DUOXA1: variants seen among roughly 807,000 people sequenced by gnomAD.
DUOXA1 encodes dual oxidase maturation factor 1, also known as dual oxidase activator 1.
A neutral mutation model predicts 26.6 loss-of-function variants in DUOXA1; 19 were observed. That is an observed-to-expected ratio of 0.71 (90% confidence interval 0.50 to 1.05). The LOEUF (loss-of-function observed/expected upper bound fraction) is 1.05. DUOXA1 is among the 50% of genes least tolerant of loss of function. The probability of loss-of-function intolerance (pLI) is 0.00; values close to 1 mark genes in which losing one functional copy is unlikely to be tolerated. For missense variants in DUOXA1, 403 were observed against 427.5 expected (o/e 0.94, Z 0.51); for synonymous variants, 166 against 177.0 (o/e 0.94, Z 0.49).
At chr15:45,122,762 G>A (rs1017926651) in intron 4 of DUOXA1, 106 bp downstream of exon 4, 42 of 1,380,694 alleles carry the variant, frequency 3.0e-5, no homozygotes, top group African/African-American at 8.8e-5. Flanking sequence ...TCTTTTCTCC[G>A]CACTGGGGTC....
In DUOXA1 at chr15:45,118,033, A is replaced by G; in HGVS notation, c.*1073T>C. On this transcript the variant is annotated 3_prime_UTR_variant, in exon 9 of 9. Transcript: ENST00000560572. ...GAGCGCTGCTGGCGCGAGGCCTCGGACATCCGCAGGCACCAGGGAAAGTCT... is the reference window on the plus strand; with the variant it reads ...GAGCGCTGCTGGCGCGAGGCCTCGGGCATCCGCAGGCACCAGGGAAAGTCT... 3 of 1,597,460 alleles carry G rather than the reference A, an allele frequency of 1.9e-6. No individual in the cohort carries two copies. The highest frequency in any genetic ancestry group is 2.6e-6 in the Non-Finnish European group (3 of 1,168,786).
rs747403022 is a variant in DUOXA1, at chr15:45,117,974, A to C, written c.*1132T>G. ...CGCAGGCCGGGAAGCAGTGCCCGCC[A>C]GGCCTGGGCCAGGAGAGCTCCAGGA... On this transcript the variant is annotated 3_prime_UTR_variant, in exon 9 of 9. Coordinates refer to ENST00000560572, the MANE Select transcript of DUOXA1 (RefSeq NM_001276266.2). The C allele has an allele frequency of 1.1e-5, 18 of 1,612,812 alleles. No individual in the cohort carries two copies. The East Asian group carries it at 4.0e-4, about 36-fold the overall frequency.
Position 45,117,788 on chromosome 15 carries a change from T to C in DUOXA1, c.*1318A>G, listed in dbSNP as rs1202049084. On this transcript the variant is annotated 3_prime_UTR_variant, in exon 9 of 9. Coordinates refer to ENST00000560572, the MANE Select transcript of DUOXA1 (RefSeq NM_001276266.2). ...GTTCGGCCCAGCGCTCTTCGCACCCTTCTGGACCAAAGCGCCAAGGACTGC... is the reference window on the plus strand; with the variant it reads ...GTTCGGCCCAGCGCTCTTCGCACCCCTCTGGACCAAAGCGCCAAGGACTGC... 1 of 1,614,012 alleles carries C rather than the reference T, an allele frequency of 6.2e-7. No individual in the cohort carries two copies. Among genetic ancestry groups the C allele is most frequent in the South Asian group, 1.1e-5 (1 of 91,084 alleles).
chr15:45,125,851 C>T (rs940606830), intron 3 of DUOXA1, among the ~76,000 whole-genome samples: 1 of 152,196 alleles, frequency 6.6e-6, no homozygotes, highest in Non-Finnish European at 1.5e-5. Context: ...CATCCATTCC[C>T]ATGGCTGATG....
rs559554507 is a variant in DUOXA1 at position 45,120,504 on chromosome 15, C to A, written c.554+88G>T. The A allele has an allele frequency of 6.6e-6, 10 of 1,510,696 alleles. No individual in the cohort carries two copies. In the Admixed American group the frequency reaches 8.4e-5, roughly 13 times the overall value. The allele number at this position is 1,510,696 out of a possible 1,614,324, so 93.6% of individuals were successfully genotyped here. ...GTGCCAGGCCACCCCACCTGAGATACCCACATGAGTGGAGGAGAGATGGGT... is the reference window on the plus strand; with the variant it reads ...GTGCCAGGCCACCCCACCTGAGATAACCACATGAGTGGAGGAGAGATGGGT... On this transcript the variant is annotated intron_variant, in intron 7 of 8. Transcript: ENST00000560572.
chr15:45,120,331 A>G lies in DUOXA1; in HGVS notation c.555-11T>C. ...CAGAGGAATGCCACCCTGGAGAGCC[A>G]GGACCCAGTGAGGACTGGCCCAGGT... is the stretch of plus-strand genomic sequence containing the variant. On this transcript the variant is annotated splice_polypyrimidine_tract_variant and intron_variant, in intron 7 of 8. Coordinates refer to ENST00000560572, the MANE Select transcript of DUOXA1 (RefSeq NM_001276266.2). The G allele has an allele frequency of 1.9e-6, 3 of 1,613,904 alleles. No homozygotes were observed. The African/African-American group carries it at 4.0e-5, about 22-fold the overall frequency.
chr15:45,125,509 A>G (rs1187860123), intron 3 of DUOXA1, among the ~76,000 whole-genome samples: 2 of 152,014 alleles, frequency 1.3e-5, no homozygotes, highest in Non-Finnish European at 2.9e-5. Context: ...TGGCATTTCC[A>G]TTGCCTTATC....
chr15:45,119,369 G>C lies in DUOXA1; in HGVS notation c.773-4C>G. On this transcript the variant is annotated splice_region_variant and splice_polypyrimidine_tract_variant and intron_variant, in intron 8 of 8. Transcript: ENST00000560572. Reference sequence around the variant, plus strand: ...CCCAGCAGCACACACAGCAGTCCTGGAGATGAGGGCAACAATTGTCCCACC... The same window carrying C: ...CCCAGCAGCACACACAGCAGTCCTGCAGATGAGGGCAACAATTGTCCCACC... 6.2e-7 allele frequency: 1 copy of C among 1,603,660 alleles called. No homozygotes were observed. The highest frequency in any genetic ancestry group is 1.1e-5 in the South Asian group (1 of 90,466).
chr15:45,122,805 T>C, intron 4 of DUOXA1, 63 bp downstream of exon 4: 1 of 1,526,076 alleles, frequency 6.6e-7, no homozygotes, highest in Non-Finnish European at 8.8e-7. Context: ...TCAGAGACTC[T>C]GAACCCCTCA....
chr15:45,124,017 A>T (rs1895466368), intron 3 of DUOXA1, among the ~76,000 whole-genome samples: 1 of 151,072 alleles, frequency 6.6e-6, no homozygotes, highest in Non-Finnish European at 1.5e-5. Context: ...GGTGAGATGT[A>T]CCTAATTTCA....
At position 45,120,278 on chromosome 15, in the gene DUOXA1, G is replaced by A; in HGVS notation, c.597C>T (p.Ser199=). The change falls in exon 8 of 9, where the codon TCC becomes TCT. Residue 199 remains serine, a synonymous_variant. Transcript: ENST00000560572. ...AGCCACCATATACCAGCACAGGCAT[G>A]GAGAGCATCACATTGGCCAGCAGCC... The part of the protein sequence containing the change: ...LCWLLANVML[S]MPVLVYGGYM... 1 of 1,614,142 alleles carries A rather than the reference G, an allele frequency of 6.2e-7. No homozygotes were observed. The highest frequency in any genetic ancestry group is 2.2e-5 in the East Asian group (1 of 44,884).
chr15:45,120,713 C>G lies in DUOXA1; in HGVS notation c.433G>C (p.Ala145Pro). The G allele has an allele frequency of 1.9e-6, 3 of 1,614,108 alleles. No individual in the cohort carries two copies. Among genetic ancestry groups the G allele is most frequent in the Non-Finnish European group, 1.7e-6 (2 of 1,179,996 alleles). Residue 145 changes from alanine to proline, a missense_variant, in exon 7 of 9, where the codon GCT becomes CCT. Transcript: ENST00000560572. Reference sequence around the variant, plus strand: ...GGGTCTGGCAGCCCCTTCTCCAGAGCCTTTGCATACTCCTCAGCATAGTTC... The same window carrying G: ...GGGTCTGGCAGCCCCTTCTCCAGAGGCTTTGCATACTCCTCAGCATAGTTC... ...GENYAEEYAK[A>P]LEKGLPDPVL...
Position 45,118,885 on chromosome 15 carries a change from G to A in DUOXA1, c.*221C>T, listed in dbSNP as rs1894867423. ...CTGCTTGGCCTTATCATGGCAACAG[G>A]CTTTATGGACAGGCCCAGCATCTCT... is the stretch of plus-strand genomic sequence containing the variant. On this transcript the variant is annotated 3_prime_UTR_variant, in exon 9 of 9. Coordinates refer to ENST00000560572, the MANE Select transcript of DUOXA1 (RefSeq NM_001276266.2). The A allele has an allele frequency of 7.9e-7, 1 of 1,258,462 alleles. No homozygotes were observed. Among genetic ancestry groups the A allele is most frequent in the Non-Finnish European group, 1.0e-6 (1 of 1,001,580 alleles). 78.0% of individuals were successfully genotyped at this position (1,258,462 alleles called of 1,614,324 possible).
chr15:45,122,975 G>C lies in DUOXA1; in HGVS notation c.40C>G (p.Pro14Ala), dbSNP rs758050290. The C allele has an allele frequency of 1.9e-6, 3 of 1,613,210 alleles. No individual in the cohort carries two copies. Among genetic ancestry groups the C allele is most frequent in the Non-Finnish European group, 2.5e-6 (3 of 1,179,590 alleles). Residue 14 changes from proline to alanine, a missense_variant, in exon 4 of 9, where the codon CCC (proline) becomes GCC (alanine). Pro to Ala is a conservative substitution (Grantham distance 27). Transcript: ENST00000560572. ...GTGTCCATCGGGAAGGTTGGCTTGG[G>C]GCCAGCATAGAAGGGGAATGTGTGT... ...LGHTFPFYAG[P>A]KPTFPMDTTL...
chr15:45,124,991 C>T (rs992741992), intron 3 of DUOXA1, among the ~76,000 whole-genome samples: 3 of 152,166 alleles, frequency 2.0e-5, no homozygotes, highest in African/African-American at 7.2e-5. Context: ...CTGGGATCCT[C>T]CTAATATGCC....
chr15:45,123,330 C>A (rs1330695186), intron 3 of DUOXA1, among the ~76,000 whole-genome samples: 1 of 152,174 alleles, frequency 6.6e-6, no homozygotes, highest in Non-Finnish European at 1.5e-5. Flanking sequence ...ACCCTGGGGG[C>A]TTCTCTGTTT....
At chr15:45,122,365 A>G in intron 4 of DUOXA1, 123 bp from the exon 5 acceptor site, 1 of 917,958 alleles carries the variant, frequency 1.1e-6, no homozygotes, top group Non-Finnish European at 1.7e-6. Flanking sequence ...AATTGAAATC[A>G]GAGTGTCTGG....
At position 45,121,121 on chromosome 15, in the gene DUOXA1, C is replaced by A. The variant is rs772978364; in HGVS notation, c.306G>T (p.Gln102His). The change falls in exon 6 of 9, where the codon CAG becomes CAT. Residue 102 changes from glutamine to histidine, a missense_variant. Physicochemically the swap from Gln to His is conservative, Grantham distance 24. Transcript: ENST00000560572. ...SEWISADIGL[Q>H]VGLGGVNITL... Reference sequence around the variant, plus strand: ...TGATGTTGACTCCACCCAGCCCGACCTGCAGCCCAATATCAGCGCTGATCC... The same window carrying A: ...TGATGTTGACTCCACCCAGCCCGACATGCAGCCCAATATCAGCGCTGATCC... 6.2e-7 allele frequency: 1 copy of A among 1,614,192 alleles called. No individual in the cohort carries two copies. Among genetic ancestry groups the A allele is most frequent in the Non-Finnish European group, 8.5e-7 (1 of 1,180,034 alleles).
intron 7 of DUOXA1, 132 bp from the exon 8 acceptor site, chr15:45,120,452 C>A (rs969490464): frequency 4.2e-6 from 6 of 1,445,534 alleles, no homozygotes; most frequent in Non-Finnish European, 5.8e-6. Flanking sequence ...TTCCCATGGA[C>A]TTCCCAAGCC....
Sources: allele counts gnomAD v4.1 joint callset (sites outside exome capture counted in the v4.1 genomes callset), GRCh38; gene constraint gnomAD v4.1.1; transcripts MANE v1.5; gene names NCBI Gene and HGNC (gene_info 2026-07-23, HGNC 2026-07-21).